Variants in GDAP1 observed in about 807,000 individuals in gnomAD.
GDAP1 encodes ganglioside induced differentiation associated protein 1.
GDAP1 carries 34 observed loss-of-function variants against 40.1 expected under a neutral mutation model. That is an observed-to-expected ratio of 0.85 (90% CI 0.64 to 1.13). The LOEUF is 1.13. Ranked by LOEUF, GDAP1 falls within the 50% of genes most tolerant of loss-of-function variation. GDAP1 has a pLI of 0.00. For synonymous variants in GDAP1, 170 were observed against 157.4 expected, an observed-to-expected ratio of 1.08 and a Z score of -0.60; for missense variants, 374 against 433.7, an observed-to-expected ratio of 0.86 and a Z score of 1.22.
downstream of GDAP1, among the ~76,000 whole-genome samples, chr8:74,369,494 C>G (rs1049675616): frequency 5.9e-5 from 9 of 151,968 alleles, no homozygotes; most frequent in Non-Finnish European, 1.0e-4. Flanking sequence ...GGCTTCACAG[C>G]AGATGGAAGA....
chr8:74,388,735 T>C (rs1810062570), intron 2 of GDAP1, among the ~76,000 whole-genome samples: 1 of 152,224 alleles, frequency 6.6e-6, no homozygotes, highest in Non-Finnish European at 1.5e-5. Context: ...ACTATACTTG[T>C]TATTTTTCTG....
chr8:74,392,839 G>T (rs896078442), intron 2 of GDAP1, among the ~76,000 whole-genome samples: 5 of 152,186 alleles, frequency 3.3e-5, no homozygotes, highest in African/African-American at 1.2e-4. Flanking sequence ...AGAGCCAAAG[G>T]ACAGAAGGAG....
chr8:74,487,920 C>T (rs1396244577), intron 2 of GDAP1, among the ~76,000 whole-genome samples: 2 of 152,094 alleles, frequency 1.3e-5, no homozygotes, highest in Non-Finnish European at 2.9e-5. Flanking sequence ...ACATCTTGAT[C>T]CAAACACTGG....
chr8:74,484,408 C>T (rs1447294053), intron 2 of GDAP1, among the ~76,000 whole-genome samples: 1 of 152,136 alleles, frequency 6.6e-6, no homozygotes, highest in Non-Finnish European at 1.5e-5. Flanking sequence ...TTTGTAACAG[C>T]ATTCCATTAT....
intron 2 of GDAP1, among the ~76,000 whole-genome samples, chr8:74,444,529 T>C (rs1806205758): frequency 6.6e-6 from 1 of 152,108 alleles, no homozygotes; most frequent in African/African-American, 2.4e-5. Flanking sequence ...AACAGAAGAA[T>C]TAGAAAATTA....
chr8:74,369,760 G>T (rs2131530229), downstream of GDAP1, among the ~76,000 whole-genome samples: 1 of 152,060 alleles, frequency 6.6e-6, no homozygotes, highest in Admixed American at 6.6e-5. Context: ...CCTCACGTAG[G>T]CATATCATTG....
chr8:74,442,695 A>G (rs1806177454), intron 2 of GDAP1, among the ~76,000 whole-genome samples: 1 of 152,222 alleles, frequency 6.6e-6, no homozygotes. Flanking sequence ...TTGGGAAAAG[A>G]ACAGCTGTCA....
At chr8:74,358,675 A>G (rs901533801) in intron 2 of GDAP1, among the ~76,000 whole-genome samples, 2 of 152,194 alleles carry the variant, frequency 1.3e-5, no homozygotes, top group Non-Finnish European at 2.9e-5. Context: ...ACGTCTTAGT[A>G]TTTCTATAAA....
Position 74,351,583 on chromosome 8 carries a change from G to A in GDAP1, c.310+117G>A, listed in dbSNP as rs1298912096. Reference sequence around the variant, plus strand: ...CTCTTGTGTCATGATGGTGGTTTGGGATTAAAAACCTTTTCCATTTCCATA... The same window carrying A: ...CTCTTGTGTCATGATGGTGGTTTGGAATTAAAAACCTTTTCCATTTCCATA... On this transcript the variant is annotated intron_variant, in intron 2 of 5. Coordinates refer to ENST00000220822, the MANE Select transcript of GDAP1 (RefSeq NM_018972.4). 8.0e-6 allele frequency: 7 copies of A among 871,086 alleles called. No homozygotes were observed. In the African/African-American group the frequency reaches 1.2e-4, roughly 14 times the overall value. 54.0% of individuals were successfully genotyped at this position (871,086 alleles called of 1,614,324 possible). A position where few individuals can be genotyped will look rare whatever the true frequency, so the allele number is the denominator to read the frequency against.
intron 2 of GDAP1, among the ~76,000 whole-genome samples, chr8:74,383,709 C>T (rs1021533288): frequency 1.4e-4 from 21 of 152,124 alleles, no homozygotes; most frequent in African/African-American, 4.8e-4. Context: ...CTTTTCCATA[C>T]TCTCTCCATA....
intron 2 of GDAP1, among the ~76,000 whole-genome samples, chr8:74,437,915 C>T (rs1023600387): frequency 2.0e-5 from 3 of 152,150 alleles, no homozygotes; most frequent in Admixed American, 6.5e-5. Flanking sequence ...CTGCAATAAA[C>T]ATTCTTGCAC....
chr8:74,445,368 C>T (rs1806215034), intron 2 of GDAP1, among the ~76,000 whole-genome samples: 3 of 152,116 alleles, frequency 2.0e-5, no homozygotes, highest in Non-Finnish European at 4.4e-5. Flanking sequence ...TTGCTTCTTT[C>T]GCAGATTGTC....
chr8:74,351,472 GT>G lies in GDAP1; in HGVS notation c.310+8del, dbSNP rs1279865642. On this transcript the variant is annotated splice_region_variant and intron_variant, in intron 2 of 5. Transcript: ENST00000220822. ...TGAACAGACTTTCCTGGATGGTAAT[GT>G]TAAGGCTACTTGCGATTTCTTGGAT... 3 of 1,597,998 alleles carry G rather than the reference GT, an allele frequency of 1.9e-6. No homozygotes were observed. The South Asian group carries it at 3.3e-5, about 18-fold the overall frequency.
chr8:74,412,992 G>A (rs996801925), intron 2 of GDAP1, among the ~76,000 whole-genome samples: 6 of 138,510 alleles, frequency 4.3e-5, no homozygotes, highest in Admixed American at 7.5e-5. Context: ...CCTTGAACCC[G>A]GGAGGCAGAG....
At chr8:74,356,026 T>C (rs2131504000) in intron 2 of GDAP1, among the ~76,000 whole-genome samples, 1 of 152,266 alleles carries the variant, frequency 6.6e-6, no homozygotes, top group South Asian at 2.1e-4. Context: ...ACTGTTATAT[T>C]AAAAATAGTT....
At chr8:74,416,427 C>A (rs1465701981) in intron 2 of GDAP1, among the ~76,000 whole-genome samples, 1 of 150,132 alleles carries the variant, frequency 6.7e-6, no homozygotes, top group Non-Finnish European at 1.5e-5. Context: ...AACACAGTGC[C>A]CAGGAAAGAG....
intron 2 of GDAP1, among the ~76,000 whole-genome samples, chr8:74,439,231 ATG>A (rs547096546): frequency 9.9e-5 from 15 of 151,964 alleles, no homozygotes; most frequent in Non-Finnish European, 2.2e-4. Flanking sequence ...TTATATATAT[ATG>A]TGTGTGTGTA....
intron 2 of GDAP1, among the ~76,000 whole-genome samples, chr8:74,403,257 T>A (rs921443515): frequency 6.7e-6 from 1 of 150,190 alleles, no homozygotes; most frequent in Non-Finnish European, 1.5e-5. Flanking sequence ...TTTATTAGTA[T>A]TGGAGTCTCC....
chr8:74,427,228 G>A (rs1014572859), intron 2 of GDAP1, among the ~76,000 whole-genome samples: 10 of 152,200 alleles, frequency 6.6e-5, no homozygotes, highest in African/African-American at 2.4e-4. Flanking sequence ...GAACGAGGCC[G>A]TGTGATGCCA....
Sources: gnomAD v4.1 joint callset for allele counts (sites outside exome capture counted in the v4.1 genomes callset) on GRCh38, gnomAD v4.1.1 for gene constraint, MANE v1.5 for transcripts, NCBI Gene and HGNC (gene_info 2026-07-23, HGNC 2026-07-21) for gene names.